The following RCBTB2 variants were observed in gnomAD, a reference collection of about 807,000 sequenced individuals.
RCBTB2 encodes the protein RCC1 and BTB domain-containing protein 2.
A neutral mutation model predicts 65.4 loss-of-function variants in RCBTB2; 55 were observed. The ratio of observed to expected loss-of-function variants is 0.84; its 90% CI spans 0.68 to 1.05. The LOEUF (loss-of-function observed/expected upper bound fraction) is 1.05. RCBTB2 is among the 50% of genes least tolerant of loss of function. The pLI, the probability that RCBTB2 is intolerant of heterozygous loss-of-function variation, is 0.00. For missense variants in RCBTB2, 599 were observed against 680.1 expected (o/e 0.88, Z 1.33); for synonymous variants, 220 against 255.2 (o/e 0.86, Z 1.31).
intron 10 of RCBTB2, among the ~76,000 whole-genome samples, chr13:48,508,034 C>T (rs1353115048): frequency 6.6e-6 from 1 of 152,190 alleles, no homozygotes; most frequent in Non-Finnish European, 1.5e-5. Context: ...TGGATGGTTG[C>T]TCCAGCAAAG....
rs1215817990 is a variant in RCBTB2 at position 48,533,037 on chromosome 13, G to A, written c.-228C>T. Reference sequence around the variant, plus strand: ...TCCTCCACCCTCTTACCTCCTCGCAGGCCGGAGCCTTGTCCGCTCCGCCTC... The same window carrying A: ...TCCTCCACCCTCTTACCTCCTCGCAAGCCGGAGCCTTGTCCGCTCCGCCTC... On this transcript the variant is annotated 5_prime_UTR_variant, in exon 1 of 15. Coordinates refer to ENST00000344532, the MANE Select transcript of RCBTB2 (RefSeq NM_001268.4). 2.2e-6 allele frequency: 1 copy of A among 454,818 alleles called. No individual in the cohort carries two copies. Among genetic ancestry groups the A allele is most frequent in the Non-Finnish European group, 4.4e-6 (1 of 226,286 alleles). 28.2% of individuals were successfully genotyped at this position (454,818 alleles called of 1,614,324 possible). A position where few individuals can be genotyped will look rare whatever the true frequency, so the allele number is the denominator to read the frequency against.
chr13:48,510,101 G>A (rs1243306279), intron 10 of RCBTB2, among the ~76,000 whole-genome samples: 1 of 152,190 alleles, frequency 6.6e-6, no homozygotes, highest in African/African-American at 2.4e-5. Context: ...GCAAACAAGT[G>A]CACAAAAGTA....
intron 6 of RCBTB2, among the ~76,000 whole-genome samples, chr13:48,514,341 A>C (rs1310348089): frequency 1.3e-5 from 2 of 152,244 alleles, no homozygotes; most frequent in African/African-American, 4.8e-5. Flanking sequence ...AGATGGTGAA[A>C]TATCACCCTA....
intron 10 of RCBTB2, among the ~76,000 whole-genome samples, chr13:48,508,866 C>T (rs1334525555): frequency 1.3e-5 from 2 of 152,196 alleles, no homozygotes; most frequent in African/African-American, 4.8e-5. Context: ...CCTTGACGCC[C>T]CACAATCCAT....
intron 11 of RCBTB2, 90 bp from the exon 12 acceptor site, chr13:48,501,958 G>C: frequency 1.8e-6 from 2 of 1,085,404 alleles, no homozygotes; most frequent in African/African-American, 1.6e-5. Flanking sequence ...TGGTACTCAT[G>C]AAAGTACCAA....
rs757240548 is a variant in RCBTB2 at position 48,502,882 on chromosome 13, T to C, written c.959A>G (p.His320Arg). Residue 320 changes from histidine to arginine, a missense_variant, in exon 11 of 15, where the codon CAC becomes CGC. By Grantham distance (29) the His-to-Arg change is conservative (BLOSUM62 0). Coordinates refer to ENST00000344532, the MANE Select transcript of RCBTB2 (RefSeq NM_001268.4). The part of the protein sequence containing the change: ...IIEIAACHST[H>R]TSAAKTQGGH... Reference sequence around the variant, plus strand: ...ACCCTGCGTCTTGGCCGCAGACGTGTGTGTGGAGTGACAGGCTGCAATCTC... The same window carrying C: ...ACCCTGCGTCTTGGCCGCAGACGTGCGTGTGGAGTGACAGGCTGCAATCTC... The C allele has an allele frequency of 3.1e-6, 5 of 1,613,640 alleles. No individual in the cohort carries two copies. Among genetic ancestry groups the C allele is most frequent in the Admixed American group, 1.7e-5 (1 of 59,968 alleles).
chr13:48,492,670 C>CTTCCTTCCTGTTTCGCACTTG (rs1949748635), intron 14 of RCBTB2: 1 of 152,446 alleles, frequency 6.6e-6, no homozygotes, highest in African/African-American at 2.4e-5. Context: ...GTTCGGACTT[C>CTTCCTTCCTGTTTCGCACTTG]TTCCTTCCTG....
At chr13:48,518,458 CAAAA>C (rs58455074) in intron 4 of RCBTB2, among the ~76,000 whole-genome samples, 4 of 98,428 alleles carry the variant, frequency 4.1e-5, no homozygotes, top group African/African-American at 7.6e-5. Flanking sequence ...GAGTACTTTG[CAAAA>C]AAAAAAAAAA....
At position 48,489,224 on chromosome 13, in the gene RCBTB2, T is replaced by C. The variant is rs188414907; in HGVS notation, c.*887A>G. The C allele has an allele frequency of 1.3e-5, 2 of 152,356 alleles. No individual in the cohort carries two copies. The highest frequency in any genetic ancestry group is 1.9e-4 in the East Asian group (1 of 5,194). The allele number at this position is 152,356 out of a possible 1,614,324, so 9.4% of individuals were successfully genotyped here. The stretch of plus-strand genomic sequence containing the variant: ...CTTCTCAGCTAGTGCTTTATAGTTA[T>C]ACTGGTGCCAGGTTAAGAGACCTAT... On this transcript the variant is annotated 3_prime_UTR_variant, in exon 15 of 15. Coordinates refer to ENST00000344532, the MANE Select transcript of RCBTB2 (RefSeq NM_001268.4).
chr13:48,507,858 T>C (rs1012971064), intron 10 of RCBTB2, among the ~76,000 whole-genome samples: 4 of 152,222 alleles, frequency 2.6e-5, no homozygotes, highest in African/African-American at 9.6e-5. Context: ...GGTCAATCTG[T>C]CCCCAAGGTA....
chr13:48,511,742 C>T, intron 9 of RCBTB2, 28 bp downstream of exon 9: 2 of 1,569,220 alleles, frequency 1.3e-6, no homozygotes, highest in South Asian at 1.1e-5. Flanking sequence ...CTTAAAAATA[C>T]ACGCACACAA....
In RCBTB2 at chr13:48,496,334, G is replaced by A; in HGVS notation, c.1385-13C>T. The A allele has an allele frequency of 1.3e-6, 2 of 1,538,692 alleles. No homozygotes were observed. Among genetic ancestry groups the A allele is most frequent in the Non-Finnish European group, 1.8e-6 (2 of 1,142,258 alleles). The stretch of plus-strand genomic sequence containing the variant: ...AAGTCTAGCAGTCCTGGCGGAAAGA[G>A]GTGTTTATTAGGGGGAGTGATTTCA... On this transcript the variant is annotated splice_polypyrimidine_tract_variant and intron_variant, in intron 13 of 14. Coordinates refer to ENST00000344532, the MANE Select transcript of RCBTB2 (RefSeq NM_001268.4).
In RCBTB2 at chr13:48,530,279, G is replaced by A. The variant is rs73486823; in HGVS notation, c.-219+2749C>T. On this transcript the variant is annotated intron_variant, in intron 1 of 14. Transcript: ENST00000344532. ...CATTTAAATTTTACTTTAACCAACT[G>A]ATAAAACCAAACTTGAATATGACAA... Among the ~76,000 whole-genome samples, 659 of 152,226 alleles carry A rather than the reference G, an allele frequency of 4.3e-3. 3 individuals are homozygous for A. The highest frequency in any genetic ancestry group is 0.015 in the African/African-American group (624 of 41,512).
intron 14 of RCBTB2, among the ~76,000 whole-genome samples, chr13:48,491,470 C>T (rs1949697772): frequency 6.6e-6 from 1 of 152,206 alleles, no homozygotes; most frequent in African/African-American, 2.4e-5. Flanking sequence ...TCACAGCATA[C>T]TATACATAAA....
At chr13:48,496,625 C>A (rs1566260679) in intron 13 of RCBTB2, among the ~76,000 whole-genome samples, 1 of 151,434 alleles carries the variant, frequency 6.6e-6, no homozygotes, top group Non-Finnish European at 1.5e-5. Context: ...CCTTCCCCTG[C>A]AATCTCAATG....
Position 48,515,671 on chromosome 13 carries a change from G to C in RCBTB2, c.113C>G (p.Ser38Cys). The change falls in exon 5 of 15, where the codon TCT (serine) becomes TGT (cysteine). Residue 38 changes from serine (S) to cysteine (C), a missense_variant. Physicochemically the swap from Ser to Cys is moderately radical, Grantham distance 112 (BLOSUM62 -1). Coordinates refer to ENST00000344532, the MANE Select transcript of RCBTB2 (RefSeq NM_001268.4). ...VGKWPIFSLC[S>C]EEELQLIRQA... Reference sequence around the variant, plus strand: ...ACGAATTAACTGTAGTTCTTCTTCAGAACAAAGGGAAAAAATTGGCCACTT... The same window carrying C: ...ACGAATTAACTGTAGTTCTTCTTCACAACAAAGGGAAAAAATTGGCCACTT... The C allele has an allele frequency of 6.2e-7, 1 of 1,613,726 alleles. No individual in the cohort carries two copies. Among genetic ancestry groups the C allele is most frequent in the Non-Finnish European group, 8.5e-7 (1 of 1,179,816 alleles).
At position 48,512,050 on chromosome 13, in the gene RCBTB2, T is replaced by C; in HGVS notation, c.641A>G (p.Gln214Arg). Residue 214 changes from glutamine (Q) to arginine (R), a missense_variant, in exon 8 of 15, where the codon CAG becomes CGG. Transcript: ENST00000344532. ...NKVVVTIACG[Q>R]MCCMAVVDTG... ...GTCTACTACTGCCATGCAGCACATC[T>C]GCCCACATGCTATGGTCACAACTAC... The C allele has an allele frequency of 6.2e-7, 1 of 1,614,250 alleles. No individual in the cohort carries two copies. Among genetic ancestry groups the C allele is most frequent in the Non-Finnish European group, 8.5e-7 (1 of 1,180,022 alleles).
chr13:48,507,611 G>C (rs1950569886), intron 10 of RCBTB2, among the ~76,000 whole-genome samples: 1 of 152,188 alleles, frequency 6.6e-6, no homozygotes, highest in South Asian at 2.1e-4. Context: ...ATAGAAACTG[G>C]AAAACCTTGA....
chr13:48,517,586 C>T (rs893561301), intron 4 of RCBTB2, among the ~76,000 whole-genome samples: 1 of 152,156 alleles, frequency 6.6e-6, no homozygotes, highest in South Asian at 2.1e-4. Context: ...CTAGGATGCA[C>T]GGAGCAGCTG....
Sources: allele counts gnomAD v4.1 joint callset (sites outside exome capture counted in the v4.1 genomes callset), GRCh38; gene constraint gnomAD v4.1.1; transcripts MANE v1.5; gene names NCBI Gene and HGNC (gene_info 2026-07-23, HGNC 2026-07-21).